The following GRM1 variants were observed in gnomAD, a reference collection of about 807,000 sequenced individuals.
GRM1 encodes metabotropic glutamate receptor 1.
Under a neutral mutation model 90.9 loss-of-function variants are expected in GRM1, and 33 were observed. That is an observed-to-expected ratio of 0.36 (90% confidence interval 0.28 to 0.49). The LOEUF (loss-of-function observed/expected upper bound fraction) is 0.49, where lower values mean the gene tolerates loss of function less well. GRM1 is among the 20% of genes least tolerant of loss of function. GRM1 has a pLI of 0.99. For missense variants in GRM1, 1,190 were observed against 1,534.3 expected, an observed-to-expected ratio of 0.78 and a Z score of 3.75; for synonymous variants, 700 against 613.2, an observed-to-expected ratio of 1.14 and a Z score of -2.09.
chr6:146,145,569 C>A (rs1182062712), intron 1 of GRM1, among the ~76,000 whole-genome samples: 1 of 152,178 alleles, frequency 6.6e-6, no homozygotes, highest in Non-Finnish European at 1.5e-5. Context: ...GTGGCGTCCA[C>A]ATGGTGCTAA....
At position 146,399,773 on chromosome 6, in the gene GRM1, CTT is replaced by C. The variant is rs372621934; in HGVS notation, c.2660+76_2660+77del. 69 of 948,540 alleles carry C rather than the reference CTT, an allele frequency of 7.3e-5. No homozygotes were observed. The highest frequency in any genetic ancestry group is 1.8e-4 in the East Asian group (7 of 38,186). 58.8% of individuals were successfully genotyped at this position (948,540 alleles called of 1,614,324 possible). On this transcript the variant is annotated intron_variant, in intron 7 of 7. Coordinates refer to ENST00000282753, the MANE Select transcript of GRM1 (RefSeq NM_001278064.2). This position sits in a 1 kb window ranked among gnomAD's most constrained non-coding sequence, Gnocchi z 5.4. ...TCTTTCTCTCTCTCTCTCTCTCTCT[CTT>C]TCTCTGTCTCTCATATCTTCCTCTA...
chr6:146,375,715 T>C (rs1776073416), intron 5 of GRM1, among the ~76,000 whole-genome samples: 1 of 152,120 alleles, frequency 6.6e-6, no homozygotes, highest in African/African-American at 2.4e-5. Context: ...ACCGATGCTC[T>C]TTTTTGGTCT....
intron 3 of GRM1, among the ~76,000 whole-genome samples, chr6:146,308,136 C>G (rs993671036): frequency 1.3e-5 from 2 of 152,146 alleles, no homozygotes; most frequent in Non-Finnish European, 2.9e-5. Flanking sequence ...AGTGCTTTTT[C>G]ATTCCTGATG....
chr6:146,295,916 C>T (rs1783161170), intron 2 of GRM1, among the ~76,000 whole-genome samples: 2 of 152,010 alleles, frequency 1.3e-5, no homozygotes, highest in South Asian at 4.2e-4. Flanking sequence ...TCTGTTGTTC[C>T]CTTCTTTGTG....
At chr6:146,295,770 G>T (rs925355460) in intron 2 of GRM1, among the ~76,000 whole-genome samples, 9 of 152,124 alleles carry the variant, frequency 5.9e-5, no homozygotes, top group Admixed American at 2.0e-4. Context: ...TCATGGGCAG[G>T]TTTGTTACAT....
chr6:146,060,367 C>A (rs1485716358), intron 1 of GRM1, among the ~76,000 whole-genome samples: 1 of 151,884 alleles, frequency 6.6e-6, no homozygotes, highest in African/African-American at 2.4e-5. Context: ...GGATAGTACC[C>A]AACAGGTAGT....
chr6:146,233,327 GGA>G (rs961534933), intron 2 of GRM1, among the ~76,000 whole-genome samples: 2 of 151,948 alleles, frequency 1.3e-5, no homozygotes, highest in African/African-American at 4.8e-5. Context: ...AGCTAATTGT[GGA>G]GTCTCTGCCC....
intron 1 of GRM1, among the ~76,000 whole-genome samples, chr6:146,123,403 A>AGGTTACCCAGAGAGTTTGCC (rs1475394133): frequency 4.6e-5 from 7 of 152,150 alleles, no homozygotes; most frequent in African/African-American, 1.7e-4. Flanking sequence ...ACCTTCTTCT[A>AGGTTACCCAGAGAGTTTGCC]GGTTACCCAG....
At chr6:146,147,297 A>G (rs1402935982) in intron 1 of GRM1, among the ~76,000 whole-genome samples, 1 of 152,248 alleles carries the variant, frequency 6.6e-6, no homozygotes, top group African/African-American at 2.4e-5. Flanking sequence ...AGTCAGGCAC[A>G]TCTGAATTCA....
intron 2 of GRM1, among the ~76,000 whole-genome samples, chr6:146,210,603 G>A (rs959632253): frequency 6.6e-6 from 1 of 152,050 alleles, no homozygotes; most frequent in Non-Finnish European, 1.5e-5. Context: ...TGAGGTAGGT[G>A]GAAGAGGGAG....
At chr6:146,149,825 C>T (rs376211056) in intron 1 of GRM1, among the ~76,000 whole-genome samples, 52 of 152,236 alleles carry the variant, frequency 3.4e-4, no homozygotes, top group African/African-American at 1.2e-3. Context: ...CTTGTGCCTG[C>T]CAAAGCTGGA....
chr6:146,095,234 G>T (rs1776837886), intron 1 of GRM1, among the ~76,000 whole-genome samples: 1 of 152,068 alleles, frequency 6.6e-6, no homozygotes, highest in African/African-American at 2.4e-5. Context: ...TCCTGTTCAG[G>T]CCCCACTTCT....
chr6:146,323,258 C>T (rs1784269229), intron 3 of GRM1, among the ~76,000 whole-genome samples: 1 of 152,156 alleles, frequency 6.6e-6, no homozygotes, highest in Non-Finnish European at 1.5e-5. Context: ...CCTGTTGTTT[C>T]CTGACTTTTT....
chr6:146,409,077 T>C (rs1249535929), intron 7 of GRM1, among the ~76,000 whole-genome samples: 1 of 152,066 alleles, frequency 6.6e-6, no homozygotes. Flanking sequence ...TGGGGTGGGG[T>C]ATTTAATGTA....
At chr6:146,188,869 T>C (rs990891269) in intron 2 of GRM1, among the ~76,000 whole-genome samples, 1 of 152,216 alleles carries the variant, frequency 6.6e-6, no homozygotes, top group African/African-American at 2.4e-5. Context: ...TAGTTACACA[T>C]TTCTCTTTTC....
At chr6:146,145,245 A>G (rs1162946442) in intron 1 of GRM1, among the ~76,000 whole-genome samples, 1 of 152,232 alleles carries the variant, frequency 6.6e-6, no homozygotes, top group Non-Finnish European at 1.5e-5. Context: ...ATTGTAGCTC[A>G]GCAACCATAT....
chr6:146,301,284 T>A (rs1184178496), intron 2 of GRM1, among the ~76,000 whole-genome samples: 4 of 152,192 alleles, frequency 2.6e-5, no homozygotes, highest in African/African-American at 7.2e-5. Flanking sequence ...AACTAGTGGT[T>A]AAGGAGACTT....
At chr6:146,124,424 A>G (rs1459082602) in intron 1 of GRM1, among the ~76,000 whole-genome samples, 1 of 152,172 alleles carries the variant, frequency 6.6e-6, no homozygotes, top group East Asian at 1.9e-4. Context: ...TTCATTAAAT[A>G]TTTAGTTTTT....
At chr6:146,062,677 A>T (rs1015662920) in intron 1 of GRM1, among the ~76,000 whole-genome samples, 8 of 151,520 alleles carry the variant, frequency 5.3e-5, no homozygotes, top group Admixed American at 5.3e-4. Context: ...TTCTGTATTC[A>T]GGTTTCTCCA....
Sources: allele counts gnomAD v4.1 joint callset (sites outside exome capture counted in the v4.1 genomes callset), GRCh38; gene constraint gnomAD v4.1.1; non-coding constraint Gnocchi (gnomAD v3.1); transcripts MANE v1.5; gene names NCBI Gene and HGNC (gene_info 2026-07-23, HGNC 2026-07-21).